The following CLHC1 variants were observed in gnomAD, a reference collection of about 807,000 sequenced individuals.
The protein encoded by CLHC1 is clathrin heavy chain linker domain containing 1, also known as clathrin heavy chain linker domain-containing protein 1.
CLHC1 carries 72 observed loss-of-function variants against 69.5 expected under a neutral mutation model. The ratio of observed to expected loss-of-function variants is 1.04; its 90% CI spans 0.86 to 1.26. CLHC1 has a LOEUF of 1.26. Ranked by LOEUF, CLHC1 falls within the 50% of genes most tolerant of loss-of-function variation. CLHC1 has a pLI of 0.00. For synonymous variants in CLHC1, 223 were observed against 224.3 expected (o/e 0.99, Z 0.05); for missense variants, 790 against 679.3 (o/e 1.16, Z -1.81).
chr2:55,180,825 A>T, intron 10 of CLHC1, 113 bp from the exon 11 acceptor site: 1 of 722,212 alleles, frequency 1.4e-6, no homozygotes, highest in Non-Finnish European at 2.3e-6. Context: ...ACCTGTAAGA[A>T]TTCCAAGTTA....
chr2:55,199,051 C>T (rs1293364512), intron 9 of CLHC1, among the ~76,000 whole-genome samples: 2 of 152,066 alleles, frequency 1.3e-5, no homozygotes, highest in South Asian at 4.2e-4. Context: ...AATCCCAGCA[C>T]TTTGGGAGAC....
Position 55,229,593 on chromosome 2 carries a change from T to A in CLHC1, c.-255-1389A>T, listed in dbSNP as rs1489080834. ...AGCCTAGGGGGTACCTTTGTGCGGT[T>A]TAGAAAAAGAGGTCCCTTTCTCTGG... On this transcript the variant is annotated intron_variant, in intron 1 of 12. Coordinates refer to ENST00000401408, the MANE Select transcript of CLHC1 (RefSeq NM_152385.4). 3.3e-5 allele frequency among the ~76,000 whole-genome samples: 5 copies of A among 152,206 alleles called. No individual in the cohort carries two copies. In the South Asian group the frequency reaches 1.0e-3, roughly 32 times the overall value.
chr2:55,187,996 C>T (rs1035433077), intron 9 of CLHC1, among the ~76,000 whole-genome samples: 1 of 152,046 alleles, frequency 6.6e-6, no homozygotes, highest in African/African-American at 2.4e-5. Context: ...TTAAGTACTT[C>T]ACAAAATGGG....
intron 8 of CLHC1, among the ~76,000 whole-genome samples, chr2:55,207,526 T>C (rs914004025): frequency 4.6e-5 from 7 of 152,212 alleles, no homozygotes; most frequent in African/African-American, 1.7e-4. Context: ...ATTTACCCCC[T>C]TCTTTTTACC....
In CLHC1 at chr2:55,177,070, G is replaced by C. The variant is rs566773635; in HGVS notation, c.1564+532C>G. ...ATCTTTTTCATAGAGACACGGTTTTGCCATGTTGCCCTGGCTGGTCTTGAA... is the reference window on the plus strand; with the variant it reads ...ATCTTTTTCATAGAGACACGGTTTTCCCATGTTGCCCTGGCTGGTCTTGAA... On this transcript the variant is annotated intron_variant, in intron 12 of 12. Transcript: ENST00000401408. Among the ~76,000 whole-genome samples the C allele has an allele frequency of 3.0e-4, 45 of 152,132 alleles. No homozygotes were observed. The South Asian group carries it at 9.1e-3, about 31-fold the overall frequency.
chr2:55,190,805 C>T (rs1207895565), intron 9 of CLHC1, among the ~76,000 whole-genome samples: 1 of 152,020 alleles, frequency 6.6e-6, no homozygotes, highest in African/African-American at 2.4e-5. Context: ...GGGGCAGAAA[C>T]ATATTTGAAA....
chr2:55,192,368 C>T (rs1013318758), intron 9 of CLHC1, among the ~76,000 whole-genome samples: 4 of 152,136 alleles, frequency 2.6e-5, no homozygotes, highest in Non-Finnish European at 1.5e-5. Flanking sequence ...GATCCACCCA[C>T]CTCGGCCTCC....
rs1158119958 is a variant in CLHC1 at position 55,175,991 on chromosome 2, G to C, written c.1565-5C>G. Reference sequence around the variant, plus strand: ...TCATAAGACTTTCTACTGCATCTGTGGGGAAAAAATACAATATTATAGTAT... The same window carrying C: ...TCATAAGACTTTCTACTGCATCTGTCGGGAAAAAATACAATATTATAGTAT... On this transcript the variant is annotated splice_polypyrimidine_tract_variant and splice_region_variant and intron_variant, in intron 12 of 12. Coordinates refer to ENST00000401408, the MANE Select transcript of CLHC1 (RefSeq NM_152385.4). The C allele has an allele frequency of 3.1e-6, 5 of 1,608,456 alleles. 1 individual carries two copies. Among genetic ancestry groups the C allele is most frequent in the Middle Eastern group, 1.7e-4 (1 of 6,022 alleles).
chr2:55,180,262 A>T (rs1189781640), intron 11 of CLHC1, among the ~76,000 whole-genome samples: 1 of 152,272 alleles, frequency 6.6e-6, no homozygotes, highest in Non-Finnish European at 1.5e-5. Flanking sequence ...GTATATTTCC[A>T]GGACTATCTG....
Position 55,173,372 on chromosome 2 carries a change from G to A in CLHC1, c.*2418C>T, listed in dbSNP as rs929289561. On this transcript the variant is annotated 3_prime_UTR_variant, in exon 13 of 13. Transcript: ENST00000401408. The stretch of plus-strand genomic sequence containing the variant: ...GTAATCTTGCTAGCAGAAATTGTGT[G>A]CAAAACAGGTATTCGGTAGATGTTG... Among the ~76,000 whole-genome samples, 1 of 152,178 alleles carries A rather than the reference G, an allele frequency of 6.6e-6. No individual in the cohort carries two copies. Among genetic ancestry groups the A allele is most frequent in the African/African-American group, 2.4e-5 (1 of 41,450 alleles).
chr2:55,189,044 A>C (rs1421623395), intron 9 of CLHC1, among the ~76,000 whole-genome samples: 1 of 152,210 alleles, frequency 6.6e-6, no homozygotes, highest in Non-Finnish European at 1.5e-5. Flanking sequence ...AATAGCACAA[A>C]AGAAGAAAGG....
At chr2:55,188,571 CT>C (rs1475720816) in intron 9 of CLHC1, among the ~76,000 whole-genome samples, 6 of 151,842 alleles carry the variant, frequency 4.0e-5, no homozygotes, top group South Asian at 2.1e-4. Context: ...ATATGCATAC[CT>C]TATGACTCAG....
intron 2 of CLHC1, among the ~76,000 whole-genome samples, chr2:55,226,064 C>T (rs935290432): frequency 6.6e-6 from 1 of 151,896 alleles, no homozygotes; most frequent in African/African-American, 2.4e-5. Context: ...TGGTGGCGGG[C>T]GCCTGTAGTC....
intron 7 of CLHC1, 139 bp downstream of exon 7, chr2:55,209,265 A>T: frequency 1.7e-6 from 1 of 603,718 alleles, no homozygotes; most frequent in East Asian, 2.9e-5. Flanking sequence ...TGAAGGAAGA[A>T]ACCCATAGCG....
intron 9 of CLHC1, among the ~76,000 whole-genome samples, chr2:55,185,252 C>A (rs1670315622): frequency 6.6e-6 from 1 of 152,124 alleles, no homozygotes; most frequent in Admixed American, 6.5e-5. Context: ...CCAAACAACA[C>A]AGAAAGTCTC....
At chr2:55,176,891 T>C (rs1573573216) in intron 12 of CLHC1, among the ~76,000 whole-genome samples, 1 of 151,894 alleles carries the variant, frequency 6.6e-6, no homozygotes, top group Admixed American at 6.6e-5. Flanking sequence ...CTCTCTCTCA[T>C]TTTTTTTGAG....
intron 9 of CLHC1, among the ~76,000 whole-genome samples, chr2:55,193,924 G>A (rs1233736650): frequency 6.6e-6 from 1 of 152,092 alleles, no homozygotes; most frequent in Non-Finnish European, 1.5e-5. Flanking sequence ...TTCATACAAT[G>A]GAATACTATT....
In CLHC1 at chr2:55,175,711, A is replaced by C; in HGVS notation, c.*79T>G. On this transcript the variant is annotated 3_prime_UTR_variant, in exon 13 of 13. Coordinates refer to ENST00000401408, the MANE Select transcript of CLHC1 (RefSeq NM_152385.4). ...CTTACTCTAGATTTATTTATAAGTTAGTTACGTTAAAATCAGTTTTTCCCA... is the reference window on the plus strand; with the variant it reads ...CTTACTCTAGATTTATTTATAAGTTCGTTACGTTAAAATCAGTTTTTCCCA... 1.2e-6 allele frequency: 1 copy of C among 853,870 alleles called. No individual in the cohort carries two copies. Among genetic ancestry groups the C allele is most frequent in the Non-Finnish European group, 1.8e-6 (1 of 542,788 alleles). 52.9% of individuals were successfully genotyped at this position (853,870 alleles called of 1,614,324 possible). A position where few individuals can be genotyped will look rare whatever the true frequency, so the allele number is the denominator to read the frequency against.
intron 9 of CLHC1, among the ~76,000 whole-genome samples, chr2:55,185,067 A>G (rs1340605518): frequency 6.6e-6 from 1 of 152,296 alleles, no homozygotes; most frequent in East Asian, 1.9e-4. Flanking sequence ...TTAGTTCATT[A>G]AAATCATTAA....
Sources: gnomAD v4.1 joint callset for allele counts (sites outside exome capture counted in the v4.1 genomes callset) on GRCh38, gnomAD v4.1.1 for gene constraint, MANE v1.5 for transcripts, NCBI Gene and HGNC (gene_info 2026-07-23, HGNC 2026-07-21) for gene names.